CDC73: variants seen among roughly 807,000 people sequenced by gnomAD.
CDC73 encodes cell division cycle 73.
In CDC73, 21 loss-of-function variants were observed where a neutral mutation model predicts 83.7. That is an observed-to-expected ratio of 0.25 (90% CI 0.18 to 0.36). CDC73 has a LOEUF of 0.36. CDC73 is among the 10% of genes least tolerant of loss of function. The probability of loss-of-function intolerance (pLI) is 1.00; values close to 1 mark genes in which losing one functional copy is unlikely to be tolerated. For missense variants in CDC73, 342 were observed against 653.3 expected, an observed-to-expected ratio of 0.52 and a Z score of 5.19; for synonymous variants, 224 against 212.9, an observed-to-expected ratio of 1.05 and a Z score of -0.45.
At chr1:193,170,168 G>A (rs1259949052) in intron 10 of CDC73, among the ~76,000 whole-genome samples, 1 of 152,080 alleles carries the variant, frequency 6.6e-6, no homozygotes, top group Non-Finnish European at 1.5e-5. Context: ...TGGTGTATAT[G>A]TAACATTTTC....
chr1:193,235,172 C>T (rs1677735461), intron 14 of CDC73, among the ~76,000 whole-genome samples: 1 of 152,126 alleles, frequency 6.6e-6, no homozygotes, highest in Non-Finnish European at 1.5e-5. Context: ...TGGCTATTCT[C>T]ATGATTTATC....
In CDC73 at chr1:193,249,639, A is replaced by G. The variant is rs1474677709; in HGVS notation, c.1418-91A>G. 4.2e-6 allele frequency: 4 copies of G among 941,986 alleles called. No homozygotes were observed. The Admixed American group carries it at 5.8e-5, about 14-fold the overall frequency. 58.4% of individuals were successfully genotyped at this position (941,986 alleles called of 1,614,324 possible). On this transcript the variant is annotated intron_variant, in intron 15 of 16. Transcript: ENST00000367435. ...AATATTTTAAAAGATCACTTTAGTT[A>G]TAATACGGCTTCAGTTGGTGGAATA...
chr1:193,154,899 T>G (rs1676181173), intron 10 of CDC73, among the ~76,000 whole-genome samples: 1 of 152,226 alleles, frequency 6.6e-6, no homozygotes, highest in South Asian at 2.1e-4. Flanking sequence ...CACCCAGACA[T>G]ACAGTGATGT....
At chr1:193,244,162 T>G (rs1012745928) in intron 15 of CDC73, among the ~76,000 whole-genome samples, 18 of 152,200 alleles carry the variant, frequency 1.2e-4, no homozygotes, top group African/African-American at 4.1e-4. Context: ...GCTGGGATGA[T>G]TCAACTTGAT....
chr1:193,199,244 T>C (rs1473677465), intron 10 of CDC73, among the ~76,000 whole-genome samples: 2 of 152,148 alleles, frequency 1.3e-5, no homozygotes, highest in African/African-American at 4.8e-5. Flanking sequence ...CTGTTTCCTT[T>C]TTCTACAACA....
At chr1:193,125,880 G>A (rs780696634) in intron 2 of CDC73, among the ~76,000 whole-genome samples, 11 of 152,066 alleles carry the variant, frequency 7.2e-5, no homozygotes, top group Non-Finnish European at 8.8e-5. Context: ...TCAAAATTAG[G>A]TGACTGTGTG....
intron 9 of CDC73, 84 bp downstream of exon 9, chr1:193,150,466 G>T: frequency 2.1e-6 from 2 of 968,426 alleles, no homozygotes; most frequent in Non-Finnish European, 3.4e-6. Flanking sequence ...AAGGGTAAGG[G>T]TTGGCAAAGT....
intron 11 of CDC73, among the ~76,000 whole-genome samples, chr1:193,209,857 TC>T (rs1430011439): frequency 6.6e-6 from 1 of 152,084 alleles, no homozygotes; most frequent in African/African-American, 2.4e-5. Flanking sequence ...GCTCTCTCTT[TC>T]TTCTTCCCTC....
intron 10 of CDC73, chr1:193,179,155 C>CA (rs948797685): frequency 1.3e-5 from 2 of 152,084 alleles, no homozygotes; most frequent in African/African-American, 2.4e-5. Context: ...CCATCCCTCC[C>CA]AAAAAGGTTT....
intron 3 of CDC73, among the ~76,000 whole-genome samples, chr1:193,131,173 T>C (rs979137104): frequency 6.6e-6 from 1 of 152,160 alleles, no homozygotes; most frequent in Non-Finnish European, 1.5e-5. Context: ...AATTTAACAC[T>C]GAAAATGGAA....
At position 193,192,806 on chromosome 1, in the gene CDC73, G is replaced by A. The variant is rs895973780; in HGVS notation, c.973-10989G>A. On this transcript the variant is annotated intron_variant, in intron 10 of 16. Coordinates refer to ENST00000367435, the MANE Select transcript of CDC73 (RefSeq NM_024529.5). ...AATGACAAAGGCATTGAGTCAACACGTGTGTGGTTAATTAATCTGGTCACC... is the reference window on the plus strand; with the variant it reads ...AATGACAAAGGCATTGAGTCAACACATGTGTGGTTAATTAATCTGGTCACC... Among the ~76,000 whole-genome samples the A allele has an allele frequency of 7.9e-5, 12 of 152,314 alleles. No homozygotes were observed. The East Asian group carries it at 1.7e-3, about 22-fold the overall frequency.
At chr1:193,222,345 G>A (rs184094041) in intron 13 of CDC73, among the ~76,000 whole-genome samples, 17 of 152,264 alleles carry the variant, frequency 1.1e-4, no homozygotes, top group Non-Finnish European at 1.8e-4. Flanking sequence ...AACTACATGA[G>A]GCCTGGGAAA....
At chr1:193,173,995 T>C (rs1676562846) in intron 10 of CDC73, among the ~76,000 whole-genome samples, 1 of 152,214 alleles carries the variant, frequency 6.6e-6, no homozygotes, top group Admixed American at 6.5e-5. Flanking sequence ...TACTGTGGTT[T>C]ATCTGCATTC....
At chr1:193,226,868 G>T (rs1677574763) in intron 13 of CDC73, among the ~76,000 whole-genome samples, 1 of 152,064 alleles carries the variant, frequency 6.6e-6, no homozygotes, top group Non-Finnish European at 1.5e-5. Flanking sequence ...TCTCTATCTT[G>T]TGGAATAGCG....
chr1:193,237,869 C>G (rs1287220149), intron 15 of CDC73, among the ~76,000 whole-genome samples: 1 of 152,082 alleles, frequency 6.6e-6, no homozygotes, highest in Non-Finnish European at 1.5e-5. Context: ...GGCCCGGCAA[C>G]TGACATTATG....
chr1:193,129,020 C>T (rs1675640981), intron 2 of CDC73, among the ~76,000 whole-genome samples: 1 of 133,172 alleles, frequency 7.5e-6, no homozygotes, highest in South Asian at 2.4e-4. Context: ...TTTTTTGAGA[C>T]AGTGTCTCAC....
chr1:193,176,617 A>G (rs1472322691), intron 10 of CDC73, among the ~76,000 whole-genome samples: 1 of 152,220 alleles, frequency 6.6e-6, no homozygotes, highest in Non-Finnish European at 1.5e-5. Context: ...TAAATGATAC[A>G]TTGAAATTCT....
At chr1:193,193,544 G>A (rs980330188) in intron 10 of CDC73, among the ~76,000 whole-genome samples, 41 of 152,058 alleles carry the variant, frequency 2.7e-4, no homozygotes, top group African/African-American at 9.6e-4. Context: ...ATAAGATGTG[G>A]TCTCATAGAA....
chr1:193,199,556 A>G (rs1677055468), intron 10 of CDC73, among the ~76,000 whole-genome samples: 1 of 151,844 alleles, frequency 6.6e-6, no homozygotes, highest in Admixed American at 6.6e-5. Flanking sequence ...TACTAAAAAT[A>G]CAAACATTAG....
Sources: gnomAD v4.1 joint callset for allele counts (sites outside exome capture counted in the v4.1 genomes callset) on GRCh38, gnomAD v4.1.1 for gene constraint, MANE v1.5 for transcripts, NCBI Gene and HGNC (gene_info 2026-07-23, HGNC 2026-07-21) for gene names.